PIEZO2: variants seen among roughly 807,000 people sequenced by gnomAD.
PIEZO2 encodes the protein piezo-type mechanosensitive ion channel component 2.
PIEZO2 carries 172 observed loss-of-function variants against 337.3 expected under a neutral mutation model. The observed-to-expected ratio is 0.51, with a 90% CI of 0.45 to 0.58. PIEZO2 has a LOEUF of 0.58. Ranked by LOEUF, PIEZO2 falls within the 20% of genes least tolerant of loss-of-function variation. The pLI, the probability that PIEZO2 is intolerant of heterozygous loss-of-function variation, is 0.00. For synonymous variants in PIEZO2, 1,251 were observed against 1,228.5 expected (o/e 1.02, Z -0.38); for missense variants, 3,028 against 3,391.3 (o/e 0.89, Z 2.66).
rs1443149905 is a variant in PIEZO2, at chr18:10,702,103, G to A, written c.6327C>T (p.Asn2109=). 10 of 1,536,602 alleles carry A rather than the reference G, an allele frequency of 6.5e-6. No homozygotes were observed. Among genetic ancestry groups the A allele is most frequent in the Non-Finnish European group, 8.7e-6 (10 of 1,146,788 alleles). Reference sequence around the variant, plus strand: ...TTGGGGGGTGATACGGTTTATCTTTGTTCACCTCCACATTCTTATTCCAGG... The same window carrying A: ...TTGGGGGGTGATACGGTTTATCTTTATTCACCTCCACATTCTTATTCCAGG... ...FFPWNKNVEV[N]KDKPYHPPNI... is the part of the protein sequence containing the mutation. The change falls in exon 43 of 56, where the codon AAC becomes AAT. Residue 2109 remains asparagine, a synonymous_variant. Transcript: ENST00000674853.
At chr18:10,736,949 C>CCA (rs2144118567) in intron 33 of PIEZO2, among the ~76,000 whole-genome samples, 1 of 151,868 alleles carries the variant, frequency 6.6e-6, no homozygotes, top group African/African-American at 2.4e-5. Flanking sequence ...AGAGAACTGG[C>CCA]CACTACAGGG....
chr18:10,975,394 T>A (rs2145461763), intron 3 of PIEZO2, among the ~76,000 whole-genome samples: 1 of 152,186 alleles, frequency 6.6e-6, no homozygotes, highest in South Asian at 2.1e-4. Context: ...CGGCACAACA[T>A]ATGTTTGAGC....
At chr18:10,802,696 G>A (rs11665382) in intron 9 of PIEZO2, among the ~76,000 whole-genome samples, 25,622 of 152,044 alleles carry the variant, frequency 0.17, 2,485 homozygotes, top group East Asian at 0.39. Flanking sequence ...AGTGCCGGGC[G>A]CAGTGACTTA....
chr18:11,114,100 A>G (rs945190828), intron 1 of PIEZO2, among the ~76,000 whole-genome samples: 5 of 152,242 alleles, frequency 3.3e-5, no homozygotes, highest in Non-Finnish European at 5.9e-5. Context: ...GCCTCTTATA[A>G]TAAGTCATTA....
Position 11,143,639 on chromosome 18 carries a change from ACTCT to A in PIEZO2, c.64+4882_64+4885del, listed in dbSNP as rs1243372461. 9.5e-4 allele frequency among the ~76,000 whole-genome samples: 88 copies of A among 92,836 alleles called. No individual in the cohort carries two copies. Among genetic ancestry groups the A allele is most frequent in the African/African-American group, 2.5e-3 (47 of 18,798 alleles). The allele number at this position is 92,836 out of a possible 152,430, so 60.9% of individuals were successfully genotyped here. Reference sequence around the variant, plus strand: ...CACACACACACACACACACACACACACTCTCTCTCTCTCTCTCTCTCTCTCTCTC... The same window carrying A: ...CACACACACACACACACACACACACACTCTCTCTCTCTCTCTCTCTCTCTC... On this transcript the variant is annotated intron_variant, in intron 1 of 55. Transcript: ENST00000674853. This position sits in a 1 kb window ranked among gnomAD's most constrained non-coding sequence, Gnocchi z 4.9.
In PIEZO2 at chr18:10,859,948, C is replaced by G. The variant is rs2041829815; in HGVS notation, c.493-2737G>C. Among the ~76,000 whole-genome samples the G allele has an allele frequency of 6.6e-6, 1 of 152,018 alleles. No homozygotes were observed. The highest frequency in any genetic ancestry group is 1.5e-5 in the Non-Finnish European group (1 of 68,004). On this transcript the variant is annotated intron_variant, in intron 5 of 55. Transcript: ENST00000674853. The surrounding 1 kb of genome is among the most constrained non-coding windows in gnomAD (Gnocchi z 4.9). ...TTGGAGGTTAGATTAGTAGGTGCAG[C>G]TAGGAAGTTTAAAGTGGGGAGGAAG...
intron 3 of PIEZO2, among the ~76,000 whole-genome samples, chr18:10,957,310 T>C (rs2033580876): frequency 6.6e-6 from 1 of 150,598 alleles, no homozygotes; most frequent in South Asian, 2.1e-4. Flanking sequence ...GGTAAGAGAG[T>C]CGCTTGACCC....
chr18:10,791,724 C>T, intron 13 of PIEZO2: 1 of 152,994 alleles, frequency 6.5e-6, no homozygotes. Context: ...CCCTTGACTG[C>T]AATGTTCCTT....
chr18:10,822,804 A>C (rs2040559259), intron 7 of PIEZO2, among the ~76,000 whole-genome samples: 1 of 152,192 alleles, frequency 6.6e-6, no homozygotes, highest in Non-Finnish European at 1.5e-5. Flanking sequence ...GGGAGTATGA[A>C]CCAAAAGACA....
chr18:10,800,449 G>T lies in PIEZO2; in HGVS notation c.1266C>A (p.Asn422Lys). 1 of 1,534,950 alleles carries T rather than the reference G, an allele frequency of 6.5e-7. No homozygotes were observed. Among genetic ancestry groups the T allele is most frequent in the Non-Finnish European group, 8.7e-7 (1 of 1,145,988 alleles). ...GGTGGATGGTGTGGTAATCCACGGG[G>T]TTGCCGTTCACAGTCACCAGCAGGC... ...SDGLLVTVNG[N>K]PVDYHTIHPS... is the part of the protein sequence containing the mutation. The change falls in exon 11 of 56, where the codon AAC becomes AAA. Residue 422 changes from asparagine (N) to lysine (K), a missense_variant. By Grantham distance (94) the Asn-to-Lys change is moderately conservative. This residue lies in a region of PIEZO2 where 542 missense variants were observed against 605.6 expected (regional missense o/e 0.89). Transcript: ENST00000674853.
intron 36 of PIEZO2, among the ~76,000 whole-genome samples, chr18:10,722,477 C>G (rs367725983): frequency 6.6e-6 from 1 of 150,428 alleles, no homozygotes; most frequent in African/African-American, 2.5e-5. Context: ...TAATCTGCCC[C>G]CTTCGGCCTC....
chr18:10,689,550 T>G, intron 49 of PIEZO2, 105 bp downstream of exon 49: 2 of 1,486,292 alleles, frequency 1.3e-6, no homozygotes, highest in Non-Finnish European at 9.3e-7. Context: ...TTGTGGTAGT[T>G]TTTGCCTCAT....
At chr18:10,831,409 A>T (rs1163103982) in intron 7 of PIEZO2, among the ~76,000 whole-genome samples, 2 of 152,232 alleles carry the variant, frequency 1.3e-5, no homozygotes, top group African/African-American at 4.8e-5. Context: ...ATGTTAAGTG[A>T]AATAAACCAG....
chr18:10,906,781 G>C (rs1278431286), intron 4 of PIEZO2, among the ~76,000 whole-genome samples: 1 of 151,952 alleles, frequency 6.6e-6, no homozygotes, highest in Non-Finnish European at 1.5e-5. Context: ...GGCTGGTCTC[G>C]AACTCCTGAG....
chr18:11,133,845 A>G (rs186692634), intron 1 of PIEZO2, among the ~76,000 whole-genome samples: 88 of 151,536 alleles, frequency 5.8e-4, no homozygotes, highest in African/African-American at 2.1e-3. Context: ...TCCTATATAT[A>G]TATACACTTA....
chr18:10,857,291 T>A lies in PIEZO2; in HGVS notation c.493-80A>T, dbSNP rs113558462. On this transcript the variant is annotated intron_variant, in intron 5 of 55. Coordinates refer to ENST00000674853, the MANE Select transcript of PIEZO2 (RefSeq NM_001378183.1). The stretch of plus-strand genomic sequence containing the variant: ...AGCAGATTATAGAGCTTCTAATTCA[T>A]GGGTCAGTCAACGTGGTGAATTTCA... The A allele has an allele frequency of 9.5e-5, 116 of 1,219,514 alleles. 2 individuals are homozygous for A. In the African/African-American group the frequency reaches 1.4e-3, roughly 15 times the overall value. 75.5% of individuals were successfully genotyped at this position (1,219,514 alleles called of 1,614,324 possible). A position where few individuals can be genotyped will look rare whatever the true frequency, so the allele number is the denominator to read the frequency against.
intron 1 of PIEZO2, among the ~76,000 whole-genome samples, chr18:11,074,480 C>T (rs1454835286): frequency 1.3e-5 from 2 of 152,214 alleles, no homozygotes; most frequent in Non-Finnish European, 2.9e-5. Flanking sequence ...ATTCCCCAAA[C>T]AAAAGACCTT....
intron 2 of PIEZO2, among the ~76,000 whole-genome samples, chr18:11,039,319 A>C (rs1194790831): frequency 6.6e-6 from 1 of 152,198 alleles, no homozygotes; most frequent in Non-Finnish European, 1.5e-5. Context: ...AAAGGGGAAA[A>C]ACAGACAAAT....
intron 47 of PIEZO2, among the ~76,000 whole-genome samples, chr18:10,692,837 G>A (rs927253111): frequency 1.3e-5 from 2 of 152,218 alleles, no homozygotes; most frequent in Admixed American, 6.5e-5. Flanking sequence ...AGTTCTTTTA[G>A]TTCTTCTAGA....
Sources: gnomAD v4.1 joint callset for allele counts (sites outside exome capture counted in the v4.1 genomes callset) on GRCh38, gnomAD v4.1.1 for gene constraint, gnomAD v4.1.1 regional missense constraint, Gnocchi (gnomAD v3.1) non-coding constraint, MANE v1.5 for transcripts, NCBI Gene and HGNC (gene_info 2026-07-23, HGNC 2026-07-21) for gene names.